Variants in ITGA2 observed in about 807,000 individuals in gnomAD.
The protein encoded by ITGA2 is integrin subunit alpha 2.
In ITGA2, 101 loss-of-function variants were observed where a neutral mutation model predicts 146.3. The observed-to-expected ratio is 0.69, with a 90% CI of 0.59 to 0.81. The LOEUF (loss-of-function observed/expected upper bound fraction) is 0.81, where lower values mean the gene tolerates loss of function less well. Ranked by LOEUF, ITGA2 falls within the 40% of genes least tolerant of loss-of-function variation. The probability of loss-of-function intolerance (pLI) is 0.00; values close to 1 mark genes in which losing one functional copy is unlikely to be tolerated. For missense variants in ITGA2, 1,281 were observed against 1,402.7 expected (o/e 0.91, Z 1.39); for synonymous variants, 477 against 487.1 (o/e 0.98, Z 0.27).
intron 1 of ITGA2, among the ~76,000 whole-genome samples, chr5:53,017,499 C>A (rs1307416425): frequency 2.6e-5 from 4 of 152,202 alleles, no homozygotes; most frequent in South Asian, 2.1e-4. Context: ...CCACAACACT[C>A]CGATGGGGGA....
chr5:53,031,937 A>G (rs115122508), intron 2 of ITGA2, among the ~76,000 whole-genome samples: 1,904 of 152,282 alleles, frequency 0.013, 37 homozygotes, highest in African/African-American at 0.042. Flanking sequence ...GTTTGTGGTG[A>G]TATGCACTCT....
At chr5:53,039,478 A>G (rs1743668806) in intron 2 of ITGA2, among the ~76,000 whole-genome samples, 1 of 152,140 alleles carries the variant, frequency 6.6e-6, no homozygotes, top group Non-Finnish European at 1.5e-5. Flanking sequence ...GCTCCCCAGA[A>G]GAACAGAAAT....
At chr5:53,057,291 A>G (rs1187370905) in intron 9 of ITGA2, among the ~76,000 whole-genome samples, 1 of 152,024 alleles carries the variant, frequency 6.6e-6, no homozygotes, top group African/African-American at 2.4e-5. Context: ...TATCTTCTAA[A>G]TAAGACTATG....
intron 2 of ITGA2, among the ~76,000 whole-genome samples, chr5:53,029,757 A>G (rs1429626796): frequency 6.6e-6 from 1 of 152,228 alleles, no homozygotes; most frequent in Non-Finnish European, 1.5e-5. Context: ...ACCCAGAGTG[A>G]TATCTGGCAC....
At chr5:53,026,975 G>A in intron 2 of ITGA2, 107 bp downstream of exon 2, 1 of 962,934 alleles carries the variant, frequency 1.0e-6, no homozygotes, top group Non-Finnish European at 1.6e-6. Flanking sequence ...ATAAATGGGT[G>A]GCCCTCAAAT....
At chr5:53,013,911 T>C (rs1427715161) in intron 1 of ITGA2, among the ~76,000 whole-genome samples, 1 of 152,100 alleles carries the variant, frequency 6.6e-6, no homozygotes, top group Non-Finnish European at 1.5e-5. Flanking sequence ...GCTTGGACGT[T>C]ATTGGTGTAT....
chr5:53,045,680 C>T (rs1238244016), intron 4 of ITGA2, among the ~76,000 whole-genome samples: 3 of 151,210 alleles, frequency 2.0e-5, no homozygotes, highest in South Asian at 2.1e-4. Context: ...TATAAAAAAA[C>T]TAGAAAAAAA....
At chr5:53,015,203 G>A (rs1742342647) in intron 1 of ITGA2, among the ~76,000 whole-genome samples, 1 of 152,096 alleles carries the variant, frequency 6.6e-6, no homozygotes, top group South Asian at 2.1e-4. Flanking sequence ...GTTAATTTGA[G>A]ATCTTTCTAA....
At chr5:53,079,209 T>C (rs1393026194) in intron 24 of ITGA2, among the ~76,000 whole-genome samples, 2 of 152,156 alleles carry the variant, frequency 1.3e-5, no homozygotes, top group Admixed American at 6.6e-5. Context: ...TGCATAGTTA[T>C]GTGTCTTGGG....
chr5:53,055,680 G>A lies in ITGA2; in HGVS notation c.922G>A (p.Gly308Ser). 1 of 1,613,056 alleles carries A rather than the reference G, an allele frequency of 6.2e-7. No individual in the cohort carries two copies. Among genetic ancestry groups the A allele is most frequent in the Non-Finnish European group, 8.5e-7 (1 of 1,179,362 alleles). Reference sequence around the variant, plus strand: ...CAACCATGACAATATACTGAGGTTTGGCATAGCAGTAAGTGGCTTTTCTTT... The same window carrying A: ...CAACCATGACAATATACTGAGGTTTAGCATAGCAGTAAGTGGCTTTTCTTT... ...QCNHDNILRF[G>S]IAVLGYLNRN... is the part of the protein sequence containing the mutation. Residue 308 changes from glycine to serine, a missense_variant, in exon 8 of 30, where the codon GGC (glycine) becomes AGC (serine). Coordinates refer to ENST00000296585, the MANE Select transcript of ITGA2 (RefSeq NM_002203.4).
Position 53,083,333 on chromosome 5 carries a change from C to T in ITGA2, c.3145-7C>T. On this transcript the variant is annotated splice_polypyrimidine_tract_variant and splice_region_variant and intron_variant, in intron 26 of 29. Coordinates refer to ENST00000296585, the MANE Select transcript of ITGA2 (RefSeq NM_002203.4). ...TCTCTCTTTTACCTTTGACTCAATACTATAAGAACTGCAGAACTGCTTCCT... is the reference window on the plus strand; with the variant it reads ...TCTCTCTTTTACCTTTGACTCAATATTATAAGAACTGCAGAACTGCTTCCT... 6.5e-7 allele frequency: 1 copy of T among 1,550,212 alleles called. No individual in the cohort carries two copies. The highest frequency in any genetic ancestry group is 8.9e-7 in the Non-Finnish European group (1 of 1,121,962).
At chr5:53,087,808 C>T (rs3212639) in intron 28 of ITGA2, among the ~76,000 whole-genome samples, 5,660 of 152,314 alleles carry the variant, frequency 0.037, 149 homozygotes, top group East Asian at 0.074. Flanking sequence ...GCATTTTCCT[C>T]CCAGTGCTTG....
chr5:53,062,749 C>A, intron 12 of ITGA2, 37 bp from the exon 13 acceptor site: 3 of 1,599,498 alleles, frequency 1.9e-6, no homozygotes, highest in South Asian at 1.1e-5. Context: ...TATATGAATC[C>A]TAGGAATTCT....
chr5:53,058,923 T>TA (rs1744775406), intron 10 of ITGA2, among the ~76,000 whole-genome samples: 1 of 151,968 alleles, frequency 6.6e-6, no homozygotes, highest in African/African-American at 2.4e-5. Context: ...TTTTTGTACA[T>TA]ACGCTGAAGT....
intron 2 of ITGA2, among the ~76,000 whole-genome samples, chr5:53,035,314 G>A (rs116198988): frequency 0.037 from 5,624 of 152,266 alleles, 146 homozygotes; most frequent in East Asian, 0.074. Flanking sequence ...CGGATGAGAG[G>A]AAGTAACATA....
At chr5:53,068,881 G>C (rs1019114624) in intron 16 of ITGA2, among the ~76,000 whole-genome samples, 3 of 148,458 alleles carry the variant, frequency 2.0e-5, no homozygotes, top group Non-Finnish European at 3.0e-5. Context: ...GAAAAAAAAA[G>C]GAAAAGCATT....
chr5:53,026,855 C>A lies in ITGA2; in HGVS notation c.172C>A (p.Pro58Thr), dbSNP rs968846791. The A allele has an allele frequency of 6.2e-7, 1 of 1,612,674 alleles. No homozygotes were observed. The highest frequency in any genetic ancestry group is 8.5e-7 in the Non-Finnish European group (1 of 1,178,780). ...FGYAVQQFIN[P>T]KGNWLLVGSP... ...CTATGCAGTGCAGCAGTTTATAAAT[C>A]CAAAAGGCAACTGGTAAGAATATTC... The change falls in exon 2 of 30, where the codon CCA becomes ACA. Residue 58 changes from proline to threonine, a missense_variant. Transcript: ENST00000296585.
chr5:53,069,284 G>A (rs1745280237), intron 16 of ITGA2, among the ~76,000 whole-genome samples: 1 of 151,870 alleles, frequency 6.6e-6, no homozygotes, highest in South Asian at 2.1e-4. Context: ...ACTGACATCA[G>A]TTATTATCAC....
Position 53,091,673 on chromosome 5 carries a change from G to A in ITGA2, c.*1074G>A, listed in dbSNP as rs1740427946. The A allele has an allele frequency of 6.6e-6, 1 of 152,158 alleles. No individual in the cohort carries two copies. Among genetic ancestry groups the A allele is most frequent in the South Asian group, 2.1e-4 (1 of 4,828 alleles). 9.4% of individuals were successfully genotyped at this position (152,158 alleles called of 1,614,324 possible). A position where few individuals can be genotyped will look rare whatever the true frequency, so the allele number is the denominator to read the frequency against. On this transcript the variant is annotated 3_prime_UTR_variant, in exon 30 of 30. Transcript: ENST00000296585. ...CCCACTCCTTCAGGACAGCTGCTGT[G>A]CATTAGATATTAGGGGGGAAAGTCA...
Sources: allele counts gnomAD v4.1 joint callset (sites outside exome capture counted in the v4.1 genomes callset), GRCh38; gene constraint gnomAD v4.1.1; transcripts MANE v1.5; gene names NCBI Gene and HGNC (gene_info 2026-07-23, HGNC 2026-07-21).